GRAMD1C: variants seen among roughly 807,000 people sequenced by gnomAD.
The protein encoded by GRAMD1C is GRAM domain containing 1C.
Under a neutral mutation model 97.8 loss-of-function variants are expected in GRAMD1C, and 89 were observed. The observed-to-expected ratio is 0.91, with a 90% CI of 0.77 to 1.09. The LOEUF is 1.09. GRAMD1C is among the 50% of genes least tolerant of loss of function. The pLI, the probability that GRAMD1C is intolerant of heterozygous loss-of-function variation, is 0.00. For synonymous variants in GRAMD1C, 256 were observed against 267.0 expected (o/e 0.96, Z 0.40); for missense variants, 740 against 766.4 (o/e 0.97, Z 0.41).
chr3:113,840,891 C>T (rs1031159608), intron 1 of GRAMD1C, among the ~76,000 whole-genome samples: 1 of 152,168 alleles, frequency 6.6e-6, no homozygotes, highest in Non-Finnish European at 1.5e-5. Flanking sequence ...TATACTTGTG[C>T]TCCTGGAGAA....
intron 6 of GRAMD1C, among the ~76,000 whole-genome samples, chr3:113,886,447 C>T (rs753070379): frequency 9.9e-5 from 15 of 152,072 alleles, no homozygotes; most frequent in Non-Finnish European, 2.2e-4. Context: ...ATTCTTCACT[C>T]CTGCTCCAAG....
At chr3:113,911,824 T>G (rs1936609031) in intron 9 of GRAMD1C, among the ~76,000 whole-genome samples, 1 of 151,318 alleles carries the variant, frequency 6.6e-6, no homozygotes, top group African/African-American at 2.4e-5. Context: ...GCCTCCCGGG[T>G]TCACACCATT....
chr3:113,880,999 T>G (rs1011119539), intron 5 of GRAMD1C, among the ~76,000 whole-genome samples: 1 of 152,170 alleles, frequency 6.6e-6, no homozygotes, highest in Non-Finnish European at 1.5e-5. Flanking sequence ...TTATGTACTC[T>G]ATGACTAAAG....
rs1937688587 is a variant in GRAMD1C at position 113,939,946 on chromosome 3, T to C, written c.1752T>C (p.His584=). 1 of 1,610,918 alleles carries C rather than the reference T, an allele frequency of 6.2e-7. No homozygotes were observed. The highest frequency in any genetic ancestry group is 1.1e-5 in the South Asian group (1 of 91,034). The change falls in exon 16 of 18, where the codon CAT becomes CAC. Residue 584 remains histidine (H), a synonymous_variant. Coordinates refer to ENST00000358160, the MANE Select transcript of GRAMD1C (RefSeq NM_017577.5). ...TTCTGAAGCTGTCAAAGATAGAACA[T>C]GCTGCTCAGTCCTTTTACCGTCTCC... ...TLFLKLSKIE[H]AAQSFYRLRL...
chr3:113,939,690 C>T (rs1937674878), intron 15 of GRAMD1C, 196 bp from the exon 16 acceptor site: 2 of 470,662 alleles, frequency 4.2e-6, no homozygotes, highest in Non-Finnish European at 7.6e-6. Context: ...TACCTTCCAT[C>T]TTTTCCTCAA....
chr3:113,839,535 G>C (rs1041005893), intron 1 of GRAMD1C, among the ~76,000 whole-genome samples: 1 of 152,218 alleles, frequency 6.6e-6, no homozygotes, highest in Non-Finnish European at 1.5e-5. Context: ...TGCGGTCAGT[G>C]CTATATCTTC....
In GRAMD1C at chr3:113,869,630, A is replaced by G. The variant is rs755324754; in HGVS notation, c.259+39A>G. ...TTTCAAAAAAAAGTTTTATTACCTC[A>G]TTATAAAAAGAAAACTGATAAGTGA... On this transcript the variant is annotated intron_variant, in intron 3 of 17. Transcript: ENST00000358160. 23 of 863,068 alleles carry G rather than the reference A, an allele frequency of 2.7e-5. No homozygotes were observed. The East Asian group carries it at 5.4e-4, about 20-fold the overall frequency. 53.5% of individuals were successfully genotyped at this position (863,068 alleles called of 1,614,324 possible).
Position 113,939,966 on chromosome 3 carries a change from G to T in GRAMD1C, c.1772G>T (p.Arg591Leu). 1 of 1,597,614 alleles carries T rather than the reference G, an allele frequency of 6.3e-7. No homozygotes were observed. The highest frequency in any genetic ancestry group is 1.1e-5 in the South Asian group (1 of 90,708). ...KIEHAAQSFY[R>L]LRLQEEKSLN... ...GAACATGCTGCTCAGTCCTTTTACC[G>T]TCTCCGCCTCCAAGAAGAGAAATCT... The change falls in exon 16 of 18, where the codon CGT becomes CTT. Residue 591 changes from arginine to leucine, a missense_variant. Physicochemically the swap from Arg to Leu is moderately radical, Grantham distance 102 (BLOSUM62 -2). Coordinates refer to ENST00000358160, the MANE Select transcript of GRAMD1C (RefSeq NM_017577.5).
intron 10 of GRAMD1C, chr3:113,919,163 T>C (rs1936942947): frequency 3.6e-6 from 1 of 275,850 alleles, no homozygotes; most frequent in Non-Finnish European, 7.1e-6. Flanking sequence ...GAGCTGGGGC[T>C]GACAGTTCTC....
chr3:113,901,341 A>T (rs575536168), intron 7 of GRAMD1C, among the ~76,000 whole-genome samples, 195 bp downstream of exon 7: 1 of 152,336 alleles, frequency 6.6e-6, no homozygotes, highest in African/African-American at 2.4e-5. Context: ...TATGAGATAT[A>T]TAAGGAAATG....
At chr3:113,930,939 GA>G in intron 11 of GRAMD1C, 107 bp downstream of exon 11, 2 of 615,462 alleles carry the variant, frequency 3.2e-6, no homozygotes, top group Non-Finnish European at 5.8e-6. Flanking sequence ...CAAGTGGCAA[GA>G]AAAAAGGGAG....
intron 2 of GRAMD1C, among the ~76,000 whole-genome samples, chr3:113,857,552 A>G (rs991623819): frequency 1.3e-5 from 2 of 151,586 alleles, no homozygotes; most frequent in South Asian, 2.1e-4. Context: ...ATTTTTTTGT[A>G]TTTTTAGTAG....
At chr3:113,938,026 T>G in intron 14 of GRAMD1C, 60 bp from the exon 15 acceptor site, 1 of 698,532 alleles carries the variant, frequency 1.4e-6, no homozygotes, top group Non-Finnish European at 2.2e-6. Flanking sequence ...AAAAAAAAAA[T>G]TTGGATCAGT....
intron 1 of GRAMD1C, among the ~76,000 whole-genome samples, chr3:113,839,632 G>GA (rs1709726849): frequency 6.6e-6 from 1 of 152,102 alleles, no homozygotes. Context: ...CACTTGATTT[G>GA]AAAAACATTA....
In GRAMD1C at chr3:113,945,585, C is replaced by A; in HGVS notation, c.*107C>A. ...GGCATAGAACATTTCTATGTTTTTT[C>A]ATTATTGAGATTTCTAATATGAACA... On this transcript the variant is annotated 3_prime_UTR_variant, in exon 18 of 18. Transcript: ENST00000358160. The A allele has an allele frequency of 1.5e-6, 1 of 651,256 alleles. No individual in the cohort carries two copies. Among genetic ancestry groups the A allele is most frequent in the South Asian group, 1.8e-5 (1 of 54,104 alleles). 40.3% of individuals were successfully genotyped at this position (651,256 alleles called of 1,614,324 possible).
chr3:113,942,398 C>T (rs1220509624), intron 17 of GRAMD1C, among the ~76,000 whole-genome samples: 2 of 152,108 alleles, frequency 1.3e-5, no homozygotes, highest in Non-Finnish European at 2.9e-5. Flanking sequence ...TGCTTATCTT[C>T]TTGTGTGGAT....
At chr3:113,850,013 G>A (rs151082143) in intron 2 of GRAMD1C, among the ~76,000 whole-genome samples, 16,183 of 143,762 alleles carry the variant, frequency 0.11, 1,213 homozygotes, top group African/African-American at 0.2. Context: ...GGCTGGCCGG[G>A]CGGGGGGCTG....
rs1367826675 is a variant in GRAMD1C, at chr3:113,946,028, T to A, written c.*550T>A. Reference sequence around the variant, plus strand: ...ATGCAAATTTAATAGTCAAACTTTTTGAATCTGCATGTTGATGATGATTAT... The same window carrying A: ...ATGCAAATTTAATAGTCAAACTTTTAGAATCTGCATGTTGATGATGATTAT... On this transcript the variant is annotated 3_prime_UTR_variant, in exon 18 of 18. Transcript: ENST00000358160. 1 of 152,332 alleles carries A rather than the reference T, an allele frequency of 6.6e-6. No individual in the cohort carries two copies. The highest frequency in any genetic ancestry group is 2.4e-5 in the African/African-American group (1 of 41,462). 9.4% of individuals were successfully genotyped at this position (152,332 alleles called of 1,614,324 possible). A position where few individuals can be genotyped will look rare whatever the true frequency, so the allele number is the denominator to read the frequency against.
chr3:113,915,799 C>A lies in GRAMD1C; in HGVS notation c.1051C>A (p.Arg351Ser). 6.2e-7 allele frequency: 1 copy of A among 1,610,790 alleles called. No homozygotes were observed. Among genetic ancestry groups the A allele is most frequent in the Non-Finnish European group, 8.5e-7 (1 of 1,177,334 alleles). Residue 351 changes from arginine to serine, a missense_variant, in exon 10 of 18, where the codon CGC (arginine) becomes AGC (serine). Coordinates refer to ENST00000358160, the MANE Select transcript of GRAMD1C (RefSeq NM_017577.5). Reference sequence around the variant, plus strand: ...GTTTGAATTGCTCTTTACCAGTTCACGCTTTATGCAGAAATTTGCCAGTTC... The same window carrying A: ...GTTTGAATTGCTCTTTACCAGTTCAAGCTTTATGCAGAAATTTGCCAGTTC... ...RMFELLFTSS[R>S]FMQKFASSRN...
Sources: allele counts gnomAD v4.1 joint callset (sites outside exome capture counted in the v4.1 genomes callset), GRCh38; gene constraint gnomAD v4.1.1; transcripts MANE v1.5; gene names NCBI Gene and HGNC (gene_info 2026-07-23, HGNC 2026-07-21).